NDFIP2: variants seen among roughly 807,000 people sequenced by gnomAD.
The protein encoded by NDFIP2 is Nedd4 family interacting protein 2, also known as NEDD4 family-interacting protein 2.
A neutral mutation model predicts 36.0 loss-of-function variants in NDFIP2; 19 were observed. That is an observed-to-expected ratio of 0.53 (90% confidence interval 0.37 to 0.77). NDFIP2 has a LOEUF of 0.77. Ranked by LOEUF, NDFIP2 falls within the 30% of genes least tolerant of loss-of-function variation. NDFIP2 has a pLI of 0.00. For missense variants in NDFIP2, 446 were observed against 435.8 expected, an observed-to-expected ratio of 1.02 and a Z score of -0.21; for synonymous variants, 181 against 167.7, an observed-to-expected ratio of 1.08 and a Z score of -0.61.
intron 1 of NDFIP2, among the ~76,000 whole-genome samples, chr13:79,499,880 A>G (rs559840161): frequency 1.3e-5 from 2 of 152,076 alleles, no homozygotes; most frequent in East Asian, 1.9e-4. Context: ...TATAATTTAT[A>G]TGGAGAGGCA....
At chr13:79,505,965 C>T (rs898033189) in intron 1 of NDFIP2, among the ~76,000 whole-genome samples, 3 of 152,054 alleles carry the variant, frequency 2.0e-5, no homozygotes, top group African/African-American at 4.8e-5. Context: ...CTTGTAAAGA[C>T]GAAAATGATT....
chr13:79,507,080 C>A (rs1313422635), intron 1 of NDFIP2, among the ~76,000 whole-genome samples: 1 of 152,060 alleles, frequency 6.6e-6, no homozygotes, highest in Non-Finnish European at 1.5e-5. Flanking sequence ...TTTGTCATCT[C>A]TTTCTTCAGT....
chr13:79,514,043 C>T (rs1475023982), intron 1 of NDFIP2, among the ~76,000 whole-genome samples: 5 of 152,074 alleles, frequency 3.3e-5, no homozygotes, highest in Admixed American at 1.3e-4. Context: ...GGAATTTGAC[C>T]AGAGTTGTGA....
chr13:79,530,290 T>C (rs1020634682), intron 2 of NDFIP2, among the ~76,000 whole-genome samples: 8 of 151,980 alleles, frequency 5.3e-5, no homozygotes, highest in African/African-American at 1.7e-4. Context: ...AAAAAAAAAT[T>C]AGTATTTTTA....
At chr13:79,540,502 C>T (rs1875413037) in intron 4 of NDFIP2, among the ~76,000 whole-genome samples, 1 of 152,094 alleles carries the variant, frequency 6.6e-6, no homozygotes, top group Admixed American at 6.5e-5. Flanking sequence ...GTTTATTAGT[C>T]TATGATATAG....
chr13:79,495,535 C>G (rs1873404195), intron 1 of NDFIP2, among the ~76,000 whole-genome samples: 1 of 151,834 alleles, frequency 6.6e-6, no homozygotes. Context: ...GCAAAAACCA[C>G]AATTACTTTT....
rs1477947949 is a variant in NDFIP2, at chr13:79,552,651, G to A, written c.*138G>A. On this transcript the variant is annotated 3_prime_UTR_variant, in exon 8 of 8. Coordinates refer to ENST00000218652, the MANE Select transcript of NDFIP2 (RefSeq NM_019080.3). The stretch of plus-strand genomic sequence containing the variant: ...AAAAGACGGAGTTTCGAAATTGAAT[G>A]GCAGGGTGGTTTTTGCTTACAAGCC... The A allele has an allele frequency of 6.6e-6, 1 of 151,754 alleles. No individual in the cohort carries two copies. Among genetic ancestry groups the A allele is most frequent in the Non-Finnish European group, 1.5e-5 (1 of 67,420 alleles). The allele number at this position is 151,754 out of a possible 1,614,324, so 9.4% of individuals were successfully genotyped here.
chr13:79,528,734 A>G (rs190412299), intron 2 of NDFIP2, among the ~76,000 whole-genome samples: 27 of 152,342 alleles, frequency 1.8e-4, no homozygotes, highest in African/African-American at 6.3e-4. Flanking sequence ...AGTATTCAGT[A>G]CAGTAATATG....
intron 1 of NDFIP2, among the ~76,000 whole-genome samples, chr13:79,490,392 G>C (rs1462396873): frequency 1.3e-5 from 2 of 152,186 alleles, no homozygotes; most frequent in Non-Finnish European, 2.9e-5. Context: ...TGTGACTAGA[G>C]TGATCACATG....
At chr13:79,513,155 C>T (rs1474561154) in intron 1 of NDFIP2, among the ~76,000 whole-genome samples, 4 of 152,156 alleles carry the variant, frequency 2.6e-5, no homozygotes, top group Non-Finnish European at 5.9e-5. Context: ...AACCAGTTGC[C>T]ATGCCAAAGG....
chr13:79,540,129 A>C (rs560585303), intron 4 of NDFIP2, among the ~76,000 whole-genome samples: 1 of 152,318 alleles, frequency 6.6e-6, no homozygotes, highest in South Asian at 2.1e-4. Flanking sequence ...AAATTGCACT[A>C]TTGGGGCAGA....
At chr13:79,544,390 A>G (rs1476469472) in intron 5 of NDFIP2, among the ~76,000 whole-genome samples, 1 of 152,138 alleles carries the variant, frequency 6.6e-6, no homozygotes, top group Non-Finnish European at 1.5e-5. Context: ...GTCTCCAGAT[A>G]GTTTTCTGTA....
intron 1 of NDFIP2, among the ~76,000 whole-genome samples, chr13:79,506,022 T>A (rs1873853392): frequency 6.6e-6 from 1 of 152,204 alleles, no homozygotes; most frequent in African/African-American, 2.4e-5. Flanking sequence ...ATCTTGTTTA[T>A]CATCATGGAG....
intron 4 of NDFIP2, among the ~76,000 whole-genome samples, chr13:79,540,722 C>G (rs1331441236): frequency 1.3e-5 from 2 of 152,154 alleles, no homozygotes; most frequent in Non-Finnish European, 2.9e-5. Context: ...TAAACCCTGT[C>G]CTCCAAGTTT....
At chr13:79,504,180 C>A in intron 1 of NDFIP2, among the ~76,000 whole-genome samples, 1 of 151,956 alleles carries the variant, frequency 6.6e-6, no homozygotes, top group East Asian at 1.9e-4. Flanking sequence ...ATATATTCTA[C>A]TTTCTTACTA....
At chr13:79,503,220 A>G (rs1873734184) in intron 1 of NDFIP2, among the ~76,000 whole-genome samples, 1 of 152,146 alleles carries the variant, frequency 6.6e-6, no homozygotes, top group Non-Finnish European at 1.5e-5. Context: ...AACACCTGCC[A>G]TGGTGTCAGT....
At chr13:79,523,462 T>C (rs756140231) in intron 2 of NDFIP2, among the ~76,000 whole-genome samples, 15 of 152,138 alleles carry the variant, frequency 9.9e-5, no homozygotes, top group Non-Finnish European at 1.6e-4. Flanking sequence ...TAGGGTGATC[T>C]GCCCACCTCG....
chr13:79,542,967 C>T (rs988909961), intron 4 of NDFIP2, among the ~76,000 whole-genome samples: 12 of 151,944 alleles, frequency 7.9e-5, no homozygotes, highest in Admixed American at 7.9e-4. Context: ...ACCTCTACCT[C>T]CCAGGTTCAA....
chr13:79,489,739 T>C (rs747424460), intron 1 of NDFIP2, among the ~76,000 whole-genome samples: 1 of 152,154 alleles, frequency 6.6e-6, no homozygotes, highest in Non-Finnish European at 1.5e-5. Flanking sequence ...ATTGAAGATA[T>C]AGGAGGAAAG....
Sources: allele counts gnomAD v4.1 joint callset (sites outside exome capture counted in the v4.1 genomes callset), GRCh38; gene constraint gnomAD v4.1.1; transcripts MANE v1.5; gene names NCBI Gene and HGNC (gene_info 2026-07-23, HGNC 2026-07-21).